DIAPH2: variants seen among roughly 807,000 people sequenced by gnomAD.
The protein encoded by DIAPH2 is protein diaphanous homolog 2.
Under a neutral mutation model 92.7 loss-of-function variants are expected in DIAPH2, and 35 were observed. That is an observed-to-expected ratio of 0.38 (90% CI 0.29 to 0.50). DIAPH2 has a LOEUF of 0.50. DIAPH2 is among the 20% of genes least tolerant of loss of function. The probability of loss-of-function intolerance (pLI) is 0.94; values close to 1 mark genes in which losing one functional copy is unlikely to be tolerated. For missense variants in DIAPH2, 701 were observed against 819.5 expected (o/e 0.86, Z 1.77); for synonymous variants, 301 against 280.4 (o/e 1.07, Z -0.73).
chrX:96,789,413 A>AGG (rs762393138), intron 4 of DIAPH2, among the ~76,000 whole-genome samples: 6 of 111,986 alleles, frequency 5.4e-5, no homozygotes, highest in Non-Finnish European at 7.5e-5. Flanking sequence ...TCAGCTAAGG[A>AGG]GCAGTGGGGA....
At chrX:96,791,844 G>C (rs1378260475) in intron 4 of DIAPH2, among the ~76,000 whole-genome samples, 1 of 110,466 alleles carries the variant, frequency 9.1e-6, no homozygotes, top group African/African-American at 3.3e-5. Context: ...TAATCCTTTG[G>C]GGAGATCATT....
chrX:97,481,202 T>C (rs1438713498), intron 26 of DIAPH2, among the ~76,000 whole-genome samples: 1 of 112,012 alleles, frequency 8.9e-6, no homozygotes, highest in African/African-American at 3.2e-5. Context: ...CTGTGTTTTA[T>C]TGTTAAAGAA....
intron 26 of DIAPH2, among the ~76,000 whole-genome samples, chrX:97,480,025 G>A (rs893805527): frequency 8.9e-6 from 1 of 111,990 alleles, no homozygotes; most frequent in African/African-American, 3.2e-5. Flanking sequence ...AATAGGCTAT[G>A]AAAGAGTTAT....
chrX:97,208,557 C>T (rs2067815831), intron 22 of DIAPH2, among the ~76,000 whole-genome samples: 1 of 111,403 alleles, frequency 9.0e-6, no homozygotes, highest in African/African-American at 3.3e-5. Context: ...CTACTTTTGC[C>T]AAAAGGGAAT....
At chrX:96,835,413 C>A (rs1387337483) in intron 4 of DIAPH2, among the ~76,000 whole-genome samples, 1 of 111,697 alleles carries the variant, frequency 9.0e-6, no homozygotes. Flanking sequence ...GGGCTGACCC[C>A]AGGAGGGCAT....
chrX:97,160,830 G>A (rs1281347657), intron 22 of DIAPH2, among the ~76,000 whole-genome samples: 1 of 111,169 alleles, frequency 9.0e-6, no homozygotes, highest in Non-Finnish European at 1.9e-5. Flanking sequence ...ATTATATATT[G>A]ATCACAGAGA....
chrX:97,305,824 CAAAA>C (rs754094514), intron 23 of DIAPH2, among the ~76,000 whole-genome samples: 6 of 49,186 alleles, frequency 1.2e-4, no homozygotes, highest in Non-Finnish European at 7.9e-5. Context: ...ACTCCTTCTC[CAAAA>C]AAAAAAAAAA....
rs144763307 is a variant in DIAPH2 at position 97,289,187 on chromosome X, G to A, written c.2844+41348G>A. Among the ~76,000 whole-genome samples, 1,099 of 111,664 alleles carry A rather than the reference G, an allele frequency of 9.8e-3. 12 individuals are homozygous for A. The highest frequency in any genetic ancestry group is 0.034 in the African/African-American group (1,056 of 30,719). On this transcript the variant is annotated intron_variant, in intron 23 of 26. Transcript: ENST00000324765. ...AAAACATAACATGTCCATAATTAATGTATTATAACATTTGTCTATAATCTT... is the reference window on the plus strand; with the variant it reads ...AAAACATAACATGTCCATAATTAATATATTATAACATTTGTCTATAATCTT...
intron 23 of DIAPH2, among the ~76,000 whole-genome samples, chrX:97,302,864 G>C (rs749168787): frequency 4.5e-5 from 5 of 111,085 alleles, no homozygotes; most frequent in Non-Finnish European, 9.4e-5. Context: ...TGCGCCTATA[G>C]TCACAGCTAC....
At chrX:97,258,605 C>A (rs1173378722) in intron 23 of DIAPH2, among the ~76,000 whole-genome samples, 3 of 105,288 alleles carry the variant, frequency 2.8e-5, no homozygotes, top group African/African-American at 1.1e-4. Context: ...CACGGTGGCT[C>A]ACGCCTGTAA....
At chrX:97,098,239 G>C (rs924879588) in intron 19 of DIAPH2, among the ~76,000 whole-genome samples, 1 of 111,555 alleles carries the variant, frequency 9.0e-6, no homozygotes, top group Non-Finnish European at 1.9e-5. Flanking sequence ...CCCTTTTTAC[G>C]TGTATAATAA....
intron 26 of DIAPH2, among the ~76,000 whole-genome samples, chrX:97,524,277 A>G (rs926249461): frequency 8.9e-6 from 1 of 112,031 alleles, no homozygotes; most frequent in Non-Finnish European, 1.9e-5. Context: ...ATTAGCCTGC[A>G]TGAGCTATCT....
intron 3 of DIAPH2, among the ~76,000 whole-genome samples, chrX:96,740,495 A>G (rs770580790): frequency 1.3e-4 from 15 of 112,360 alleles, no homozygotes; most frequent in Non-Finnish European, 2.3e-4. Context: ...CAGTATTGAA[A>G]TAGTTCTCCG....
intron 20 of DIAPH2, among the ~76,000 whole-genome samples, chrX:97,105,359 G>A (rs1016201388): frequency 9.0e-6 from 1 of 111,276 alleles, no homozygotes; most frequent in Non-Finnish European, 1.9e-5. Flanking sequence ...TCTGTCTAGA[G>A]ACAGATCCTG....
intron 23 of DIAPH2, among the ~76,000 whole-genome samples, chrX:97,295,771 G>C (rs1025586936): frequency 9.8e-6 from 1 of 101,534 alleles, no homozygotes; most frequent in Non-Finnish European, 2.0e-5. Context: ...CACTTTTGTC[G>C]CCTATGCTGG....
intron 4 of DIAPH2, among the ~76,000 whole-genome samples, chrX:96,780,407 T>TGC (rs1365016106): frequency 8.9e-6 from 1 of 112,325 alleles, no homozygotes; most frequent in Non-Finnish European, 1.9e-5. Context: ...TGTGTGTGTG[T>TGC]GCGTGACACT....
intron 22 of DIAPH2, among the ~76,000 whole-genome samples, chrX:97,162,802 A>G (rs2067383720): frequency 8.9e-6 from 1 of 111,922 alleles, no homozygotes; most frequent in Non-Finnish European, 1.9e-5. Context: ...GACATGAGCC[A>G]CCGTGTTCCT....
In DIAPH2 at chrX:97,324,429, C is replaced by T. The variant is rs184799320; in HGVS notation, c.2845-23687C>T. 1.9e-4 allele frequency among the ~76,000 whole-genome samples: 21 copies of T among 112,507 alleles called. No individual in the cohort carries two copies. The Admixed American group carries it at 2.0e-3, about 11-fold the overall frequency. On this transcript the variant is annotated intron_variant, in intron 23 of 26. Coordinates refer to ENST00000324765, the MANE Select transcript of DIAPH2 (RefSeq NM_006729.5). ...TCAGGAAAATGACAAAACAGCCCCT[C>T]ATTCGCAGTAGATACAATGAACTAG...
At chrX:96,931,370 A>G (rs1447753587) in intron 10 of DIAPH2, among the ~76,000 whole-genome samples, 1 of 111,847 alleles carries the variant, frequency 8.9e-6, no homozygotes, top group Non-Finnish European at 1.9e-5. Context: ...TGTTAAAAAC[A>G]TTTTTGGAAT....
Sources: gnomAD v4.1 joint callset for allele counts (sites outside exome capture counted in the v4.1 genomes callset) on GRCh38, gnomAD v4.1.1 for gene constraint, MANE v1.5 for transcripts, NCBI Gene and HGNC (gene_info 2026-07-23, HGNC 2026-07-21) for gene names.